Variants in WWOX observed in about 807,000 individuals in gnomAD.
WWOX encodes the protein WW domain-containing oxidoreductase.
A neutral mutation model predicts 46.2 loss-of-function variants in WWOX; 69 were observed. The ratio of observed to expected loss-of-function variants is 1.49; its 90% CI spans 1.23 to 1.82. The LOEUF is 1.82. WWOX is among the 40% of genes most tolerant of loss of function. The pLI is 0.00. For missense variants in WWOX, 919 were observed against 542.6 expected (o/e 1.69, Z -6.89); for synonymous variants, 359 against 202.6 (o/e 1.77, Z -6.56).
rs114254340 is a variant in WWOX at position 78,737,619 on chromosome 16, T to C, written c.1056+304867T>C. Among the ~76,000 whole-genome samples the C allele has an allele frequency of 9.2e-3, 1,394 of 152,258 alleles. 22 individuals carry two copies. Among genetic ancestry groups the C allele is most frequent in the African/African-American group, 0.032 (1,336 of 41,554 alleles). ...CTTCTCCCTGAGTTCCCAAAGTCCA[T>C]TGTATCATTCTTCTGCCTTTGCATC... On this transcript the variant is annotated intron_variant, in intron 8 of 8. Coordinates refer to ENST00000566780, the MANE Select transcript of WWOX (RefSeq NM_016373.4).
intron 8 of WWOX, among the ~76,000 whole-genome samples, chr16:79,084,113 C>G (rs577127494): frequency 1.3e-5 from 2 of 152,204 alleles, no homozygotes; most frequent in East Asian, 3.9e-4. Flanking sequence ...CAGGGAGAAA[C>G]AGGAAGGAGC....
intron 5 of WWOX, among the ~76,000 whole-genome samples, chr16:78,333,704 G>C (rs1288420621): frequency 1.3e-5 from 2 of 152,154 alleles, no homozygotes; most frequent in African/African-American, 4.8e-5. Flanking sequence ...ATATATGTAT[G>C]TACATAGACT....
intron 8 of WWOX, among the ~76,000 whole-genome samples, chr16:79,114,326 G>C (rs974838079): frequency 3.3e-5 from 5 of 151,292 alleles, no homozygotes; most frequent in African/African-American, 1.2e-4. Context: ...CCAGTGACTG[G>C]TGTCTTTATT....
intron 8 of WWOX, among the ~76,000 whole-genome samples, chr16:78,686,160 A>G (rs56993450): frequency 0.31 from 47,426 of 151,774 alleles, 9,025 homozygotes; most frequent in Admixed American, 0.48. Context: ...TTCTTTGGCT[A>G]TAGGAATCTG....
At chr16:78,575,070 T>TAA (rs2044839952) in intron 8 of WWOX, among the ~76,000 whole-genome samples, 1 of 27,596 alleles carries the variant, frequency 3.6e-5, no homozygotes, top group East Asian at 2.3e-3. Context: ...TATATATATA[T>TAA]ATATATATAT....
chr16:78,631,375 CAG>C (rs375553311), intron 8 of WWOX, among the ~76,000 whole-genome samples: 1 of 152,160 alleles, frequency 6.6e-6, no homozygotes, highest in African/African-American at 2.4e-5. Flanking sequence ...TTCCCCAAAA[CAG>C]AACTCAAACT....
intron 8 of WWOX, among the ~76,000 whole-genome samples, chr16:78,977,428 C>A (rs2046594525): frequency 6.6e-6 from 1 of 152,160 alleles, no homozygotes. Context: ...CCTCGCCCCA[C>A]AAGCAAAGCA....
chr16:79,012,698 G>A (rs969294551), intron 8 of WWOX, among the ~76,000 whole-genome samples: 1 of 152,182 alleles, frequency 6.6e-6, no homozygotes, highest in Non-Finnish European at 1.5e-5. Context: ...CTATGGAAAG[G>A]GCTGGAAGTT....
intron 5 of WWOX, among the ~76,000 whole-genome samples, chr16:78,193,683 TG>T (rs1376745964): frequency 6.6e-6 from 1 of 152,122 alleles, no homozygotes; most frequent in Non-Finnish European, 1.5e-5. Context: ...CAACACCATA[TG>T]GGTATGTGAG....
intron 8 of WWOX, among the ~76,000 whole-genome samples, chr16:79,070,592 G>C (rs1042216581): frequency 3.9e-5 from 6 of 152,152 alleles, no homozygotes; most frequent in African/African-American, 1.4e-4. Flanking sequence ...GGTTCGGACT[G>C]GTGCAGCAGG....
intron 8 of WWOX, among the ~76,000 whole-genome samples, chr16:78,792,282 G>C (rs2050624876): frequency 6.6e-6 from 1 of 152,168 alleles, no homozygotes; most frequent in Non-Finnish European, 1.5e-5. Flanking sequence ...GCTGATCTAG[G>C]CTGGACTTGG....
At chr16:78,210,485 G>A (rs1356923173) in intron 5 of WWOX, among the ~76,000 whole-genome samples, 3 of 151,874 alleles carry the variant, frequency 2.0e-5, no homozygotes, top group African/African-American at 4.8e-5. Context: ...ACACACACAC[G>A]CGCGTGCACA....
chr16:78,395,971 A>G (rs1016131576), intron 6 of WWOX, among the ~76,000 whole-genome samples: 1 of 152,160 alleles, frequency 6.6e-6, no homozygotes, highest in Non-Finnish European at 1.5e-5. Flanking sequence ...TAAGTGAGGT[A>G]CAGCAGGACA....
intron 8 of WWOX, among the ~76,000 whole-genome samples, chr16:79,087,762 C>T (rs1407528250): frequency 1.3e-5 from 2 of 152,204 alleles, no homozygotes; most frequent in Non-Finnish European, 2.9e-5. Flanking sequence ...CATTTCTCTG[C>T]TCTTTTAGTT....
chr16:78,553,972 C>T (rs909401281), intron 8 of WWOX, among the ~76,000 whole-genome samples: 3 of 152,034 alleles, frequency 2.0e-5, no homozygotes, highest in Non-Finnish European at 2.9e-5. Flanking sequence ...GGCTGTGATG[C>T]TCTACTGAGG....
chr16:78,839,711 C>T (rs1436224156), intron 8 of WWOX, among the ~76,000 whole-genome samples: 2 of 152,110 alleles, frequency 1.3e-5, no homozygotes, highest in Non-Finnish European at 2.9e-5. Flanking sequence ...TTGGAAAATA[C>T]ATCCCTGGTG....
chr16:78,224,921 G>A lies in WWOX; in HGVS notation c.516+60632G>A, dbSNP rs1443187576. 2.0e-5 allele frequency among the ~76,000 whole-genome samples: 3 copies of A among 152,156 alleles called. No homozygotes were observed. In the East Asian group the frequency reaches 5.8e-4, roughly 29 times the overall value. On this transcript the variant is annotated intron_variant, in intron 5 of 8. Transcript: ENST00000566780. ...TTTGCAAATGATCTATTAATGTTCT[G>A]TGACTGATTTCTATCTTGGTGTCTT...
chr16:78,510,123 G>A (rs1231840557), intron 8 of WWOX, among the ~76,000 whole-genome samples: 2 of 152,058 alleles, frequency 1.3e-5, no homozygotes, highest in South Asian at 2.1e-4. Context: ...TTCCTTCAGT[G>A]TATTAGTAAA....
intron 8 of WWOX, among the ~76,000 whole-genome samples, chr16:78,648,613 A>G (rs2142136122): frequency 6.6e-6 from 1 of 152,314 alleles, no homozygotes; most frequent in South Asian, 2.1e-4. Context: ...CGCAGGACCA[A>G]CCAGAGAAAG....
Sources: gnomAD v4.1 joint callset for allele counts (sites outside exome capture counted in the v4.1 genomes callset) on GRCh38, gnomAD v4.1.1 for gene constraint, MANE v1.5 for transcripts, NCBI Gene and HGNC (gene_info 2026-07-23, HGNC 2026-07-21) for gene names.